Variants in SEC31A observed in about 807,000 individuals in gnomAD.
SEC31A encodes the protein SEC31 homolog A, COPII component.
In SEC31A, 70 loss-of-function variants were observed where a neutral mutation model predicts 151.0. The observed-to-expected ratio is 0.46, with a 90% CI of 0.38 to 0.57. The LOEUF is 0.57. Ranked by LOEUF, SEC31A falls within the 20% of genes least tolerant of loss-of-function variation. The probability of loss-of-function intolerance (pLI) is 0.00; values close to 1 mark genes in which losing one functional copy is unlikely to be tolerated. For missense variants in SEC31A, 1,330 were observed against 1,471.2 expected, an observed-to-expected ratio of 0.90 and a Z score of 1.57; for synonymous variants, 475 against 505.9, an observed-to-expected ratio of 0.94 and a Z score of 0.82.
upstream of SEC31A, chr4:82,895,003 T>C (rs571341379): frequency 3.1e-4 from 47 of 152,364 alleles, no homozygotes; most frequent in African/African-American, 1.1e-3. Flanking sequence ...ATAACAAGCC[T>C]AATTCATGAC....
At chr4:82,823,866 A>G (rs1723964458) in intron 25 of SEC31A, among the ~76,000 whole-genome samples, 1 of 152,208 alleles carries the variant, frequency 6.6e-6, no homozygotes, top group South Asian at 2.1e-4. Context: ...TGTGCCAAAT[A>G]CAGTTTTGTT....
chr4:82,851,288 C>T, intron 19 of SEC31A, 143 bp downstream of exon 19: 2 of 617,864 alleles, frequency 3.2e-6, no homozygotes, highest in Non-Finnish European at 5.6e-6. Context: ...GAAGAATTGT[C>T]AATAACATTT....
chr4:82,896,811 G>T (rs548288217), intron 3 of SEC31A, among the ~76,000 whole-genome samples: 1 of 152,266 alleles, frequency 6.6e-6, no homozygotes, highest in South Asian at 2.1e-4. Context: ...ATTTGCTATA[G>T]GATGGAGTAA....
At position 82,867,133 on chromosome 4, in the gene SEC31A, AAACTTTAACACTTCCT is replaced by A. The variant is rs753812969; in HGVS notation, c.1044+6_1044+21del. 1.2e-6 allele frequency: 2 copies of A among 1,601,204 alleles called. No homozygotes were observed. The highest frequency in any genetic ancestry group is 4.5e-5 in the East Asian group (2 of 44,766). ...TACTTTTTTCAGGCATTATAATAGA[AAACTTTAACACTTCCT>A]ATTACCTTGTCAACTTGTTTCTGTC... On this transcript the variant is annotated splice_donor_region_variant and intron_variant, in intron 9 of 26. Transcript: ENST00000395310.
intron 24 of SEC31A, among the ~76,000 whole-genome samples, chr4:82,826,538 A>C (rs1386991726): frequency 6.6e-6 from 1 of 152,184 alleles, no homozygotes; most frequent in East Asian, 1.9e-4. Context: ...TTTTTAGTAG[A>C]GACAGGGTTT....
At chr4:82,869,302 T>C (rs1032886894) in intron 8 of SEC31A, among the ~76,000 whole-genome samples, 5 of 151,094 alleles carry the variant, frequency 3.3e-5, no homozygotes, top group Admixed American at 3.3e-4. Flanking sequence ...TTGTATTTTT[T>C]TTTTTTTTCA....
chr4:82,851,462 G>C lies in SEC31A; in HGVS notation c.2297C>G (p.Ala766Gly). The change falls in exon 19 of 27, where the codon GCC becomes GGC. Residue 766 changes from alanine to glycine, a missense_variant. By Grantham distance (60) the Ala-to-Gly change is moderately conservative. Coordinates refer to ENST00000395310, the MANE Select transcript of SEC31A (RefSeq NM_001077207.4). ...GGTGTTGTCAGGAAGAAAAGCCAAG[G>C]CTGCAGCAATACTGCCCTGAGCTGC... is the stretch of plus-strand genomic sequence containing the variant. Reference protein sequence around the residue: ...LLAAQGSIAAALAFLPDNTNQ... With the variant: ...LLAAQGSIAAGLAFLPDNTNQ... The C allele has an allele frequency of 2.5e-6, 4 of 1,612,444 alleles. No homozygotes were observed. Among genetic ancestry groups the C allele is most frequent in the South Asian group, 1.1e-5 (1 of 90,642 alleles).
intron 7 of SEC31A, among the ~76,000 whole-genome samples, chr4:82,870,830 G>A (rs1038599917): frequency 2.0e-5 from 3 of 152,226 alleles, no homozygotes; most frequent in Non-Finnish European, 2.9e-5. Context: ...ATGTAGTGCA[G>A]TGTATGACAG....
intron 13 of SEC31A, 25 bp downstream of exon 13, chr4:82,862,509 T>C (rs1325185025): frequency 1.9e-6 from 3 of 1,597,646 alleles, no homozygotes; most frequent in Admixed American, 1.7e-5. Context: ...TTTTAGAAGG[T>C]AGCTATTTTT....
At chr4:82,864,647 C>CA in intron 10 of SEC31A, 49 bp from the exon 11 acceptor site, 4 of 1,497,708 alleles carry the variant, frequency 2.7e-6, no homozygotes, top group Non-Finnish European at 1.8e-6. Flanking sequence ...AGGATATGGC[C>CA]AAAAAAAGTG....
Position 82,819,064 on chromosome 4 carries a change from A to T in SEC31A, c.*10T>A, listed in dbSNP as rs1437601598. On this transcript the variant is annotated 3_prime_UTR_variant, in exon 27 of 27. Transcript: ENST00000395310. Reference sequence around the variant, plus strand: ...AAATGGCAATATTGAGTGGAAGAGAAGCTGTCCTTTTAGACACCCAGCTTA... The same window carrying T: ...AAATGGCAATATTGAGTGGAAGAGATGCTGTCCTTTTAGACACCCAGCTTA... 5.0e-6 allele frequency: 8 copies of T among 1,584,488 alleles called. No individual in the cohort carries two copies. Among genetic ancestry groups the T allele is most frequent in the Non-Finnish European group, 6.8e-6 (8 of 1,168,656 alleles).
At chr4:82,824,502 G>A in intron 25 of SEC31A, 53 bp downstream of exon 25, 1 of 1,588,512 alleles carries the variant, frequency 6.3e-7, no homozygotes, top group East Asian at 2.3e-5. Flanking sequence ...ACCACACCTG[G>A]CCAAGGATTC....
intron 24 of SEC31A, 46 bp from the exon 25 acceptor site, chr4:82,824,720 C>T (rs749227082): frequency 6.3e-7 from 1 of 1,595,904 alleles, no homozygotes. Flanking sequence ...CCAGAAGCTA[C>T]CTTATATACA....
intron 8 of SEC31A, among the ~76,000 whole-genome samples, chr4:82,869,737 T>C (rs1051755404): frequency 6.6e-6 from 1 of 152,182 alleles, no homozygotes; most frequent in African/African-American, 2.4e-5. Context: ...ACCAAATAAC[T>C]AAAGGGCTTG....
chr4:82,864,411 A>G lies in SEC31A; in HGVS notation c.1385T>C (p.Ile462Thr), dbSNP rs1011308890. Reference sequence around the variant, plus strand: ...CTCAAATTCAGTCTGAGAAGCATCAATTTTTTTTTGGCAATAATTGATAAA... The same window carrying G: ...CTCAAATTCAGTCTGAGAAGCATCAGTTTTTTTTTGGCAATAATTGATAAA... Reference protein sequence around the residue: ...QGFINYCQKKIDASQTEFEKN... With the variant: ...QGFINYCQKKTDASQTEFEKN... Residue 462 changes from isoleucine to threonine, a missense_variant, in exon 11 of 27, where the codon ATT (isoleucine) becomes ACT (threonine). Ile to Thr is a moderately conservative substitution (Grantham distance 89). Transcript: ENST00000395310. The G allele has an allele frequency of 2.6e-5, 41 of 1,602,830 alleles. No homozygotes were observed. The highest frequency in any genetic ancestry group is 3.0e-5 in the Non-Finnish European group (35 of 1,171,594).
chr4:82,840,934 CA>C (rs1318815640), intron 22 of SEC31A, among the ~76,000 whole-genome samples: 9 of 152,260 alleles, frequency 5.9e-5, no homozygotes, highest in African/African-American at 1.9e-4. Flanking sequence ...CATTACTATA[CA>C]CTACTGTTGA....
At chr4:82,875,350 G>A (rs1737670135) in intron 5 of SEC31A, among the ~76,000 whole-genome samples, 1 of 152,168 alleles carries the variant, frequency 6.6e-6, no homozygotes, top group Non-Finnish European at 1.5e-5. Flanking sequence ...GTCTTCCATG[G>A]TCTTGTCTAA....
At chr4:82,837,051 A>C (rs1215152761) in intron 22 of SEC31A, among the ~76,000 whole-genome samples, 1 of 150,918 alleles carries the variant, frequency 6.6e-6, no homozygotes, top group Non-Finnish European at 1.5e-5. Flanking sequence ...ATATACACCC[A>C]CTATGTACCC....
At chr4:82,859,794 T>G (rs199831791) in intron 14 of SEC31A, among the ~76,000 whole-genome samples, 1 of 141,896 alleles carries the variant, frequency 7.0e-6, no homozygotes, top group Admixed American at 6.8e-5. Flanking sequence ...TAAAAATATT[T>G]TTTTTTTTTT....
Sources: allele counts gnomAD v4.1 joint callset (sites outside exome capture counted in the v4.1 genomes callset), GRCh38; gene constraint gnomAD v4.1.1; transcripts MANE v1.5; gene names NCBI Gene and HGNC (gene_info 2026-07-23, HGNC 2026-07-21).